The following JAML variants were observed in gnomAD, a reference collection of about 807,000 sequenced individuals.
JAML encodes junctional adhesion molecule-like.
Under a neutral mutation model 39.3 loss-of-function variants are expected in JAML, and 25 were observed. The observed-to-expected ratio is 0.64, with a 90% CI of 0.46 to 0.89. JAML has a LOEUF of 0.89. JAML is among the 40% of genes least tolerant of loss of function. JAML has a pLI of 0.00. For missense variants in JAML, 440 were observed against 486.9 expected (o/e 0.90, Z 0.91); for synonymous variants, 162 against 179.2 (o/e 0.90, Z 0.77).
chr11:118,200,330 G>C, intron 7 of JAML, 144 bp downstream of exon 7: 2 of 992,614 alleles, frequency 2.0e-6, no homozygotes, highest in Admixed American at 5.4e-5. Flanking sequence ...AAAGTGGGCA[G>C]GGTTACCACA....
intron 1 of JAML, among the ~76,000 whole-genome samples, chr11:118,215,099 G>A (rs1179491849): frequency 1.3e-5 from 2 of 152,126 alleles, no homozygotes; most frequent in African/African-American, 2.4e-5. Flanking sequence ...GAATGAATAA[G>A]AAAATACCAG....
Position 118,212,448 on chromosome 11 carries a change from A to ATATACATTTG in JAML, c.147_156dup (p.Phe53GlnfsTer49). The stretch of plus-strand genomic sequence containing the variant: ...GGTGACAGAGTCCAGTCTATCTTGA[A>ATATACATTTG]TATACATTTGTCTTCTGTGCTCTGG... On this transcript the variant is annotated frameshift_variant, in exon 3 of 10. Coordinates refer to ENST00000356289, the MANE Select transcript of JAML (RefSeq NM_001098526.2). LOFTEE classifies it high-confidence loss of function. 1 of 1,614,168 alleles carries ATATACATTTG rather than the reference A, an allele frequency of 6.2e-7. No homozygotes were observed. The highest frequency in any genetic ancestry group is 8.5e-7 in the Non-Finnish European group (1 of 1,180,014).
At chr11:118,199,690 ATTATTTT>A (rs1461507011) in intron 7 of JAML, among the ~76,000 whole-genome samples, 2 of 80,672 alleles carry the variant, frequency 2.5e-5, no homozygotes, top group Non-Finnish European at 5.4e-5. Context: ...TATTATTATT[ATTATTTT>A]TTTTTTTTTT....
At chr11:118,198,406 G>A (rs375574436) in intron 7 of JAML, among the ~76,000 whole-genome samples, 55 of 152,276 alleles carry the variant, frequency 3.6e-4, no homozygotes, top group African/African-American at 1.3e-3. Context: ...AGGGGAGATG[G>A]GATTCCATTT....
chr11:118,194,917 C>G (rs1398570040), intron 9 of JAML, among the ~76,000 whole-genome samples: 12 of 152,220 alleles, frequency 7.9e-5, no homozygotes, highest in Non-Finnish European at 1.8e-4. Flanking sequence ...TTTAAAATAA[C>G]TTGACTGGCC....
At chr11:118,199,253 T>C (rs1948724249) in intron 7 of JAML, among the ~76,000 whole-genome samples, 1 of 152,206 alleles carries the variant, frequency 6.6e-6, no homozygotes, top group South Asian at 2.1e-4. Context: ...TACCTTTCCT[T>C]TGGCGGGAAA....
chr11:118,221,595 C>T (rs1167013906), intron 1 of JAML, among the ~76,000 whole-genome samples: 3 of 152,218 alleles, frequency 2.0e-5, no homozygotes, highest in African/African-American at 7.2e-5. Flanking sequence ...TGCTTGTCTG[C>T]CCCCGACTTA....
chr11:118,194,419 T>C lies in JAML; in HGVS notation c.1093-2A>G. On this transcript the variant is annotated splice_acceptor_variant, in intron 9 of 9. Coordinates refer to ENST00000356289, the MANE Select transcript of JAML (RefSeq NM_001098526.2). LOFTEE classifies it high-confidence loss of function. Reference sequence around the variant, plus strand: ...CCTCAGAGAAGGCCAAACTGGGTGCTGTGGGGGAAGGGCAGAAAGAAACAA... The same window carrying C: ...CCTCAGAGAAGGCCAAACTGGGTGCCGTGGGGGAAGGGCAGAAAGAAACAA... 6.2e-7 allele frequency: 1 copy of C among 1,613,854 alleles called. No homozygotes were observed. The highest frequency in any genetic ancestry group is 1.7e-5 in the Admixed American group (1 of 59,998).
chr11:118,215,093 G>T (rs1776557367), intron 1 of JAML, among the ~76,000 whole-genome samples: 1 of 152,138 alleles, frequency 6.6e-6, no homozygotes, highest in Admixed American at 6.6e-5. Flanking sequence ...ATGAATGAAT[G>T]AATAAGAAAA....
intron 4 of JAML, among the ~76,000 whole-genome samples, chr11:118,210,066 T>G (rs994017545): frequency 1.3e-5 from 2 of 152,066 alleles, no homozygotes; most frequent in African/African-American, 4.8e-5. Context: ...TCACCTAACA[T>G]AGGGTACCTA....
At chr11:118,209,899 C>G (rs1472088144) in intron 4 of JAML, among the ~76,000 whole-genome samples, 3 of 151,372 alleles carry the variant, frequency 2.0e-5, no homozygotes, top group Non-Finnish European at 4.4e-5. Flanking sequence ...GAGTCTTGCT[C>G]TGTCACCCAG....
At chr11:118,216,251 A>G (rs1949139868) in intron 1 of JAML, among the ~76,000 whole-genome samples, 1 of 151,982 alleles carries the variant, frequency 6.6e-6, no homozygotes, top group Admixed American at 6.6e-5. Flanking sequence ...GCCGCCTGTA[A>G]TCCCAGCTAC....
In JAML at chr11:118,210,636, C is replaced by T. The variant is rs930215897; in HGVS notation, c.275G>A (p.Gly92Glu). The T allele has an allele frequency of 2.5e-6, 4 of 1,614,202 alleles. No individual in the cohort carries two copies. The highest frequency in any genetic ancestry group is 3.4e-6 in the Non-Finnish European group (4 of 1,180,028). Residue 92 changes from glycine to glutamate, a missense_variant, in exon 4 of 10, where the codon GGG (glycine) becomes GAG (glutamate). Physicochemically the swap from Gly to Glu is moderately conservative, Grantham distance 98. Coordinates refer to ENST00000356289, the MANE Select transcript of JAML (RefSeq NM_001098526.2). ...AGAGCCATCATTGCATAAGATGTCC[C>T]CCATCAAGTGTACGCGGTTCTGGAA... ...GRFQNRVHLM[G>E]DILCNDGSLL...
chr11:118,200,559 C>G lies in JAML; in HGVS notation c.826G>C (p.Val276Leu). Reference protein sequence around the residue: ...RPLVLGGNQLVIIVGIVCATI... With the variant: ...RPLVLGGNQLLIIVGIVCATI... ...GCACAGACAATTCCCACAATGATCA[C>G]CAACTGATTACCACCCAAGACCAGA... Residue 276 changes from valine (V) to leucine (L), a missense_variant, in exon 7 of 10, where the codon GTG becomes CTG. Transcript: ENST00000356289. 6.2e-7 allele frequency: 1 copy of G among 1,614,140 alleles called. No individual in the cohort carries two copies. Among genetic ancestry groups the G allele is most frequent in the Non-Finnish European group, 8.5e-7 (1 of 1,180,028 alleles).
rs746908892 is a variant in JAML at position 118,212,565 on chromosome 11, T to C, written c.44-4A>G. ...TCATTCAGGCCCAAGGAATAATCTA[T>C]AGAAGTCAAAGGCAAGAGGACACAT... On this transcript the variant is annotated splice_polypyrimidine_tract_variant and splice_region_variant and intron_variant, in intron 2 of 9. Coordinates refer to ENST00000356289, the MANE Select transcript of JAML (RefSeq NM_001098526.2). 7 of 1,613,694 alleles carry C rather than the reference T, an allele frequency of 4.3e-6. No homozygotes were observed. In the South Asian group the frequency reaches 6.6e-5, roughly 15 times the overall value.
intron 4 of JAML, among the ~76,000 whole-genome samples, chr11:118,208,233 A>G (rs909861893): frequency 7.5e-5 from 4 of 53,148 alleles, no homozygotes; most frequent in Non-Finnish European, 1.7e-4. Context: ...GACCCCACCT[A>G]AAAAAAAAAG....
At chr11:118,209,065 G>A (rs1208373638) in intron 4 of JAML, 4 of 253,758 alleles carry the variant, frequency 1.6e-5, no homozygotes, top group Non-Finnish European at 3.2e-5. Context: ...CTAACTGGTT[G>A]AATCTCTCCA....
chr11:118,217,321 A>G (rs1408673845), intron 1 of JAML, among the ~76,000 whole-genome samples: 3 of 152,250 alleles, frequency 2.0e-5, no homozygotes, highest in African/African-American at 7.2e-5. Flanking sequence ...CAGCGACTCT[A>G]AAAAGATTCT....
intron 2 of JAML, chr11:118,212,902 C>T: frequency 6.2e-7 from 1 of 1,614,240 alleles, no homozygotes; most frequent in Non-Finnish European, 8.5e-7. Context: ...TTTAGAAACT[C>T]ACCTCCACTT....
Sources: gnomAD v4.1 joint callset for allele counts (sites outside exome capture counted in the v4.1 genomes callset) on GRCh38, gnomAD v4.1.1 for gene constraint, MANE v1.5 for transcripts, NCBI Gene and HGNC (gene_info 2026-07-23, HGNC 2026-07-21) for gene names.